The following JMJD1C variants were observed in gnomAD, a reference collection of about 807,000 sequenced individuals.
JMJD1C encodes jumonji domain containing 1C.
A neutral mutation model predicts 245.3 loss-of-function variants in JMJD1C; 31 were observed. The ratio of observed to expected loss-of-function variants is 0.13; its 90% CI spans 0.09 to 0.17. JMJD1C has a LOEUF of 0.17. Ranked by LOEUF, JMJD1C falls within the 10% of genes least tolerant of loss-of-function variation. The probability of loss-of-function intolerance (pLI) is 1.00; values close to 1 mark genes in which losing one functional copy is unlikely to be tolerated. For missense variants in JMJD1C, 2,691 were observed against 3,000.2 expected (o/e 0.90, Z 2.41); for synonymous variants, 1,057 against 1,017.4 (o/e 1.04, Z -0.74).
intron 2 of JMJD1C, among the ~76,000 whole-genome samples, chr10:63,294,671 TA>T (rs1219861775): frequency 6.6e-6 from 1 of 152,220 alleles, no homozygotes; most frequent in African/African-American, 2.4e-5. Flanking sequence ...TTTCCTGCTT[TA>T]TATACCCACT....
At chr10:63,500,642 G>A (rs1336386935) in intron 1 of JMJD1C, among the ~76,000 whole-genome samples, 1 of 152,122 alleles carries the variant, frequency 6.6e-6, no homozygotes, top group African/African-American at 2.4e-5. Context: ...AGAGGCAGGA[G>A]AATCGCTTGG....
At position 63,465,831 on chromosome 10, in the gene JMJD1C, C is replaced by T. The variant is rs950038391; in HGVS notation, c.-169G>A. 1 of 760,412 alleles carries T rather than the reference C, an allele frequency of 1.3e-6. No homozygotes were observed. The highest frequency in any genetic ancestry group is 2.7e-5 in the East Asian group (1 of 37,558). 47.1% of individuals were successfully genotyped at this position (760,412 alleles called of 1,614,324 possible). Reference sequence around the variant, plus strand: ...CGCTCTGCCCCGGACACAGCGACCTCGGGCCCTCCCCGCAAACACTCCTTT... The same window carrying T: ...CGCTCTGCCCCGGACACAGCGACCTTGGGCCCTCCCCGCAAACACTCCTTT... On this transcript the variant is annotated 5_prime_UTR_variant, in exon 1 of 26. Coordinates refer to ENST00000399262, the MANE Select transcript of JMJD1C (RefSeq NM_032776.3).
At chr10:63,248,529 G>GATAGATAGATAAATAAATAAATAAATAA (rs566828473) in intron 3 of JMJD1C, among the ~76,000 whole-genome samples, 51 of 137,056 alleles carry the variant, frequency 3.7e-4, no homozygotes, top group Middle Eastern at 7.0e-3. Context: ...TCAATAGATA[G>GATAGATAGATAAATAAATAAATAAATAA]ATAAATAAAT....
intron 3 of JMJD1C, among the ~76,000 whole-genome samples, chr10:63,263,700 G>A (rs1371767644): frequency 6.6e-6 from 1 of 152,106 alleles, no homozygotes; most frequent in African/African-American, 2.4e-5. Context: ...GGGAGGCCGA[G>A]GCGGGCAGAC....
chr10:63,238,124 C>A (rs1238183900), intron 3 of JMJD1C, among the ~76,000 whole-genome samples: 6 of 133,968 alleles, frequency 4.5e-5, no homozygotes, highest in African/African-American at 1.1e-4. Context: ...GAGGTTGCAG[C>A]AAGCCAAGAT....
At chr10:63,355,861 G>C (rs989828076) in intron 2 of JMJD1C, among the ~76,000 whole-genome samples, 1 of 151,974 alleles carries the variant, frequency 6.6e-6, no homozygotes, top group Non-Finnish European at 1.5e-5. Flanking sequence ...ACACAATAAT[G>C]AGGTTTCAAG....
chr10:63,469,415 G>C (rs1953419607), upstream of JMJD1C, among the ~76,000 whole-genome samples: 1 of 152,108 alleles, frequency 6.6e-6, no homozygotes, highest in Non-Finnish European at 1.5e-5. Context: ...GATAACAAAG[G>C]CTCCCTGCTA....
At chr10:63,188,739 A>G (rs1044420106) in intron 18 of JMJD1C, among the ~76,000 whole-genome samples, 3 of 152,218 alleles carry the variant, frequency 2.0e-5, no homozygotes, top group African/African-American at 7.2e-5. Context: ...ACTAATTTGT[A>G]AGTAAATGTT....
At chr10:63,247,943 T>G (rs1481400103) in intron 3 of JMJD1C, among the ~76,000 whole-genome samples, 2 of 151,862 alleles carry the variant, frequency 1.3e-5, no homozygotes, top group Non-Finnish European at 2.9e-5. Context: ...AAAAGGAAAC[T>G]ATAGGCCTGG....
intron 1 of JMJD1C, among the ~76,000 whole-genome samples, chr10:63,400,340 C>T (rs1948772082): frequency 6.6e-6 from 1 of 152,168 alleles, no homozygotes; most frequent in Admixed American, 6.5e-5. Flanking sequence ...TACCACTCTG[C>T]ATTCCAATAA....
chr10:63,397,076 T>C (rs757628257), intron 1 of JMJD1C, among the ~76,000 whole-genome samples: 15 of 152,118 alleles, frequency 9.9e-5, no homozygotes, highest in East Asian at 1.9e-4. Flanking sequence ...AATTAATGGA[T>C]TGAATTTTTC....
chr10:63,192,930 A>C lies in JMJD1C; in HGVS notation c.6076+8T>G. ...CTCACACATGCCTAGATAATCAATT[A>C]TGTTTACCTTTTTTTTCCTCTCTGG... On this transcript the variant is annotated splice_region_variant and intron_variant, in intron 16 of 25. Transcript: ENST00000399262. The C allele has an allele frequency of 6.3e-7, 1 of 1,599,174 alleles. No individual in the cohort carries two copies. Among genetic ancestry groups the C allele is most frequent in the Non-Finnish European group, 8.6e-7 (1 of 1,166,720 alleles).
Position 63,211,997 on chromosome 10 carries a change from TAAGAAG to T in JMJD1C, c.2694+1470_2694+1475del, listed in dbSNP as rs71463505. ...CAGTGGAATATTATACAGCCTTAAA[TAAGAAG>T]AAGATCATGTCACATGTTGCAACAT... On this transcript the variant is annotated intron_variant, in intron 8 of 25. Transcript: ENST00000399262. Among the ~76,000 whole-genome samples, 615 of 151,662 alleles carry T rather than the reference TAAGAAG, an allele frequency of 4.1e-3. 2 individuals carry two copies. The highest frequency in any genetic ancestry group is 5.2e-3 in the Non-Finnish European group (351 of 67,866).
chr10:63,467,124 A>G (rs922314294), upstream of JMJD1C, among the ~76,000 whole-genome samples: 2 of 152,222 alleles, frequency 1.3e-5, no homozygotes, highest in African/African-American at 2.4e-5. Context: ...GTGGAGAAAC[A>G]CAACCACTGC....
At chr10:63,301,739 A>T in intron 2 of JMJD1C, 1 of 451,312 alleles carries the variant, frequency 2.2e-6, no homozygotes, top group South Asian at 1.6e-5. Context: ...GACGCAGCAA[A>T]CCACCATGGC....
chr10:63,327,540 T>C (rs886426747), intron 2 of JMJD1C, among the ~76,000 whole-genome samples: 9 of 152,188 alleles, frequency 5.9e-5, no homozygotes, highest in African/African-American at 2.2e-4. Flanking sequence ...AAAAGGTAAA[T>C]GGACTTCCTA....
chr10:63,249,130 G>A (rs1352400334), intron 3 of JMJD1C, among the ~76,000 whole-genome samples: 3 of 151,988 alleles, frequency 2.0e-5, no homozygotes, highest in Non-Finnish European at 4.4e-5. Flanking sequence ...AGACTGACCA[G>A]CATGATAAAA....
At chr10:63,349,586 A>G (rs1170799331) in intron 2 of JMJD1C, among the ~76,000 whole-genome samples, 2 of 152,232 alleles carry the variant, frequency 1.3e-5, no homozygotes, top group Admixed American at 6.5e-5. Context: ...AACTTTTTAT[A>G]AAAAGCATTA....
chr10:63,221,729 T>G (rs1173539773), intron 3 of JMJD1C, among the ~76,000 whole-genome samples: 1 of 152,188 alleles, frequency 6.6e-6, no homozygotes, highest in East Asian at 1.9e-4. Context: ...ACTTTTTGTT[T>G]TTGTTTTTTG....
Sources: allele counts gnomAD v4.1 joint callset (sites outside exome capture counted in the v4.1 genomes callset), GRCh38; gene constraint gnomAD v4.1.1; transcripts MANE v1.5; gene names NCBI Gene and HGNC (gene_info 2026-07-23, HGNC 2026-07-21).